Variants in KIAA1958 observed in about 807,000 individuals in gnomAD.
KIAA1958 encodes KIAA1958, also known as uncharacterized protein KIAA1958.
In KIAA1958, 14 loss-of-function variants were observed where a neutral mutation model predicts 47.2. That is an observed-to-expected ratio of 0.30 (90% CI 0.20 to 0.46). The LOEUF (loss-of-function observed/expected upper bound fraction) is 0.46. Among genes scored for constraint, KIAA1958 ranks in the 20% least tolerant of loss-of-function variants. KIAA1958 has a pLI of 1.00. For missense variants in KIAA1958, 803 were observed against 909.2 expected, an observed-to-expected ratio of 0.88 and a Z score of 1.50; for synonymous variants, 354 against 353.3, an observed-to-expected ratio of 1.00 and a Z score of -0.02.
At chr9:112,651,807 A>C (rs1370020665) in intron 3 of KIAA1958, among the ~76,000 whole-genome samples, 1 of 152,246 alleles carries the variant, frequency 6.6e-6, no homozygotes, top group African/African-American at 2.4e-5. Context: ...AGGAAGTTAT[A>C]AAATGTCTTG....
chr9:112,545,475 T>A (rs542273071), intron 1 of KIAA1958, among the ~76,000 whole-genome samples: 1 of 152,342 alleles, frequency 6.6e-6, no homozygotes, highest in East Asian at 1.9e-4. Context: ...TGGCTTTTCT[T>A]GTTATATGCC....
chr9:112,533,535 C>T (rs1199984867), intron 1 of KIAA1958, among the ~76,000 whole-genome samples: 6 of 135,642 alleles, frequency 4.4e-5, no homozygotes, highest in Admixed American at 8.3e-5. Context: ...GAGCCAAGAT[C>T]GCGCCACCAC....
At chr9:112,610,462 A>G (rs1196900191) in intron 2 of KIAA1958, among the ~76,000 whole-genome samples, 2 of 152,102 alleles carry the variant, frequency 1.3e-5, no homozygotes, top group Non-Finnish European at 2.9e-5. Context: ...TATGGAGGAG[A>G]GATTAAGAAG....
chr9:112,631,699 A>G (rs868721209), intron 2 of KIAA1958, among the ~76,000 whole-genome samples: 76 of 152,304 alleles, frequency 5.0e-4, no homozygotes, highest in African/African-American at 1.6e-3. Flanking sequence ...ACCTATAGAT[A>G]AGAACGTTTA....
At chr9:112,606,519 C>T (rs1836238534) in intron 2 of KIAA1958, among the ~76,000 whole-genome samples, 1 of 152,174 alleles carries the variant, frequency 6.6e-6, no homozygotes, top group Non-Finnish European at 1.5e-5. Context: ...ATATATTTCT[C>T]ATTAGTAACA....
At chr9:112,504,823 T>G (rs1834206145) in intron 1 of KIAA1958, among the ~76,000 whole-genome samples, 1 of 151,960 alleles carries the variant, frequency 6.6e-6, no homozygotes, top group Non-Finnish European at 1.5e-5. Context: ...TGTATATACA[T>G]TTTTTATTTA....
intron 1 of KIAA1958, among the ~76,000 whole-genome samples, chr9:112,557,876 T>C (rs1167255213): frequency 6.6e-6 from 1 of 152,180 alleles, no homozygotes; most frequent in Non-Finnish European, 1.5e-5. Context: ...GTTATAGGAA[T>C]AAATACCTAA....
intron 1 of KIAA1958, among the ~76,000 whole-genome samples, chr9:112,571,238 A>G (rs1003220175): frequency 2.6e-5 from 4 of 152,218 alleles, no homozygotes; most frequent in African/African-American, 7.2e-5. Flanking sequence ...TAAGTCCACA[A>G]GTTCACCCCA....
Position 112,659,756 on chromosome 9 carries a change from G to C in KIAA1958, c.1838G>C (p.Cys613Ser). The change falls in exon 4 of 4, where the codon TGT becomes TCT. Residue 613 changes from cysteine (C) to serine (S), a missense_variant. This residue lies in a region of KIAA1958 where 761 missense variants were observed against 829.3 expected (regional missense o/e 0.92). Coordinates refer to ENST00000337530, the MANE Select transcript of KIAA1958 (RefSeq NM_133465.4). ...AGTCGGAGCGGCTCCACCAGAGTGT[G>C]TCACGGGAAGATCTACCATGAGCAT... ...RESRSGSTRV[C>S]HGKIYHEHSR... 1.2e-6 allele frequency: 2 copies of C among 1,614,174 alleles called. No individual in the cohort carries two copies. The highest frequency in any genetic ancestry group is 1.7e-6 in the Non-Finnish European group (2 of 1,180,020).
intron 1 of KIAA1958, among the ~76,000 whole-genome samples, chr9:112,528,738 T>C (rs1002816850): frequency 3.4e-4 from 10 of 29,650 alleles, no homozygotes; most frequent in African/African-American, 2.2e-3. Flanking sequence ...CAGGCTGGTC[T>C]CGAAGTCCTG....
At chr9:112,642,012 G>A (rs1018032844) in intron 2 of KIAA1958, among the ~76,000 whole-genome samples, 1 of 152,152 alleles carries the variant, frequency 6.6e-6, no homozygotes, top group African/African-American at 2.4e-5. Flanking sequence ...TTTTCTGCTT[G>A]CGTAGCTTGG....
intron 2 of KIAA1958, among the ~76,000 whole-genome samples, chr9:112,643,214 A>G (rs1267464110): frequency 6.6e-6 from 1 of 152,212 alleles, no homozygotes; most frequent in African/African-American, 2.4e-5. Context: ...TAGTGACTCA[A>G]GCATGGAGTC....
chr9:112,582,858 A>T (rs1256891390), intron 2 of KIAA1958, among the ~76,000 whole-genome samples: 1 of 152,194 alleles, frequency 6.6e-6, no homozygotes, highest in South Asian at 2.1e-4. Context: ...TGACATGGAC[A>T]TGGCTGTCAC....
chr9:112,634,630 A>G (rs553323937), intron 2 of KIAA1958, among the ~76,000 whole-genome samples: 2 of 152,284 alleles, frequency 1.3e-5, no homozygotes, highest in South Asian at 4.2e-4. Context: ...TTTGTTACGT[A>G]GGTAAACTTG....
At chr9:112,565,903 T>G (rs1356359337) in intron 1 of KIAA1958, among the ~76,000 whole-genome samples, 1 of 152,052 alleles carries the variant, frequency 6.6e-6, no homozygotes, top group Non-Finnish European at 1.5e-5. Context: ...CTTTTGATTA[T>G]TTATTTATTT....
intron 3 of KIAA1958, among the ~76,000 whole-genome samples, chr9:112,647,185 G>A (rs1391928750): frequency 2.6e-5 from 4 of 151,924 alleles, no homozygotes; most frequent in African/African-American, 9.7e-5. Context: ...AAAAAAAAGT[G>A]CAACAGAAGC....
At chr9:112,651,773 C>A (rs1318558997) in intron 3 of KIAA1958, among the ~76,000 whole-genome samples, 1 of 152,072 alleles carries the variant, frequency 6.6e-6, no homozygotes, top group Non-Finnish European at 1.5e-5. Context: ...TACTAATAAC[C>A]AAAGGACCAA....
intron 1 of KIAA1958, among the ~76,000 whole-genome samples, chr9:112,529,916 T>C (rs1001216812): frequency 1.3e-5 from 2 of 152,050 alleles, no homozygotes; most frequent in African/African-American, 2.4e-5. Context: ...CTATCTCGGC[T>C]CACTGCAAGC....
chr9:112,553,609 T>C (rs1198157092), intron 1 of KIAA1958, among the ~76,000 whole-genome samples: 1 of 152,250 alleles, frequency 6.6e-6, no homozygotes, highest in Non-Finnish European at 1.5e-5. Flanking sequence ...GTGCTTAGAA[T>C]AGAGCTTGGA....
Sources: allele counts gnomAD v4.1 joint callset (sites outside exome capture counted in the v4.1 genomes callset), GRCh38; gene constraint gnomAD v4.1.1; regional missense constraint gnomAD v4.1.1; transcripts MANE v1.5; gene names NCBI Gene and HGNC (gene_info 2026-07-23, HGNC 2026-07-21).